POU6F2: variants seen among roughly 807,000 people sequenced by gnomAD.
POU6F2 encodes the protein POU class 6 homeobox 2.
A neutral mutation model predicts 71.3 loss-of-function variants in POU6F2; 31 were observed. The observed-to-expected ratio is 0.43, with a 90% CI of 0.33 to 0.59. The LOEUF is 0.59. Ranked by LOEUF, POU6F2 falls within the 20% of genes least tolerant of loss-of-function variation. The probability of loss-of-function intolerance (pLI) is 0.04; values close to 1 mark genes in which losing one functional copy is unlikely to be tolerated. For missense variants in POU6F2, 783 were observed against 856.8 expected, an observed-to-expected ratio of 0.91 and a Z score of 1.07; for synonymous variants, 347 against 355.7, an observed-to-expected ratio of 0.98 and a Z score of 0.27.
chr7:39,320,840 A>G (rs1785374249), intron 4 of POU6F2, among the ~76,000 whole-genome samples: 1 of 152,192 alleles, frequency 6.6e-6, no homozygotes, highest in South Asian at 2.1e-4. Flanking sequence ...AGATTGCTTG[A>G]GGCCAGGAGT....
Position 39,460,570 on chromosome 7 carries a change from GTGGATGGGGTTAATC to G in POU6F2, c.1518_1532del (p.Asp506_Leu510del). On this transcript the variant is annotated inframe_deletion, in exon 9 of 10. Transcript: ENST00000518318. This position sits in a 1 kb window ranked among gnomAD's most constrained non-coding sequence, Gnocchi z 4.4. ...AGATCCTCAAACGGCAGCGGGTGAGGTGGATGGGGTTAATCTGGAGGAGATCCGAGAATTTGCCAA... is the reference window on the plus strand; with the variant it reads ...AGATCCTCAAACGGCAGCGGGTGAGGTGGAGGAGATCCGAGAATTTGCCAA... 2 of 1,613,708 alleles carry G rather than the reference GTGGATGGGGTTAATC, an allele frequency of 1.2e-6. No homozygotes were observed. The highest frequency in any genetic ancestry group is 1.7e-6 in the Non-Finnish European group (2 of 1,179,810).
At chr7:39,231,255 T>C (rs2128750025) in intron 4 of POU6F2, among the ~76,000 whole-genome samples, 1 of 152,278 alleles carries the variant, frequency 6.6e-6, no homozygotes, top group South Asian at 2.1e-4. Context: ...AGCATCTTAA[T>C]ATTGTTAGCA....
At chr7:39,000,605 A>G (rs971060631) in intron 1 of POU6F2, among the ~76,000 whole-genome samples, 2 of 152,036 alleles carry the variant, frequency 1.3e-5, no homozygotes, top group Non-Finnish European at 2.9e-5. Flanking sequence ...TCTCATATGC[A>G]TTCATAGCCC....
chr7:39,419,092 T>C (rs1399226725), intron 6 of POU6F2, among the ~76,000 whole-genome samples: 3 of 74,532 alleles, frequency 4.0e-5, no homozygotes, highest in African/African-American at 1.6e-4. Flanking sequence ...TACGTATATG[T>C]GTATATATAC....
intron 2 of POU6F2, among the ~76,000 whole-genome samples, chr7:39,146,664 G>T (rs1320601507): frequency 6.6e-6 from 1 of 152,202 alleles, no homozygotes; most frequent in African/African-American, 2.4e-5. Context: ...CAAGGCCCCA[G>T]GGAGGGCTGG....
chr7:39,072,489 C>T (rs977888485), intron 1 of POU6F2, among the ~76,000 whole-genome samples: 1 of 152,186 alleles, frequency 6.6e-6, no homozygotes, highest in African/African-American at 2.4e-5. Context: ...ATGAAGACTT[C>T]GGCTCACCTG....
chr7:39,188,954 G>A (rs1017225239), intron 2 of POU6F2, among the ~76,000 whole-genome samples: 30 of 152,280 alleles, frequency 2.0e-4, no homozygotes, highest in African/African-American at 6.5e-4. Flanking sequence ...ATTACCAAAT[G>A]TATCTCCCTG....
chr7:39,431,667 A>T (rs1227019369), intron 6 of POU6F2, among the ~76,000 whole-genome samples: 2 of 152,152 alleles, frequency 1.3e-5, no homozygotes, highest in Non-Finnish European at 2.9e-5. Flanking sequence ...CCAGACCTGG[A>T]CTGTAGCCCC....
intron 1 of POU6F2, among the ~76,000 whole-genome samples, chr7:39,068,508 A>AG (rs1790808878): frequency 7.6e-6 from 1 of 130,918 alleles, no homozygotes; most frequent in Non-Finnish European, 1.6e-5. Flanking sequence ...TATATATATA[A>AG]TTTTCATAAA....
chr7:39,262,710 G>A (rs1784160000), intron 4 of POU6F2, among the ~76,000 whole-genome samples: 1 of 151,148 alleles, frequency 6.6e-6, no homozygotes, highest in South Asian at 2.1e-4. Context: ...CTTGTGGTAT[G>A]CATTTTATTT....
intron 7 of POU6F2, among the ~76,000 whole-genome samples, chr7:39,447,889 T>C (rs1033133304): frequency 6.6e-6 from 1 of 152,238 alleles, no homozygotes; most frequent in Non-Finnish European, 1.5e-5. Flanking sequence ...GTTAAGTCAG[T>C]GTCCAAAACA....
chr7:39,063,358 C>G (rs909332665), intron 1 of POU6F2, among the ~76,000 whole-genome samples: 1 of 152,100 alleles, frequency 6.6e-6, no homozygotes, highest in African/African-American at 2.4e-5. Flanking sequence ...AGAGGAAAGA[C>G]AGCAGAGTGA....
At chr7:39,320,845 A>C (rs1785374320) in intron 4 of POU6F2, among the ~76,000 whole-genome samples, 3 of 152,194 alleles carry the variant, frequency 2.0e-5, no homozygotes, top group Admixed American at 2.0e-4. Context: ...GCTTGAGGCC[A>C]GGAGTTGGAG....
chr7:39,384,350 A>G (rs1786891620), intron 5 of POU6F2, among the ~76,000 whole-genome samples: 1 of 152,166 alleles, frequency 6.6e-6, no homozygotes, highest in Admixed American at 6.5e-5. Context: ...AAAACTATAT[A>G]AAGTTTTTAA....
intron 8 of POU6F2, among the ~76,000 whole-genome samples, chr7:39,457,725 T>A (rs1229080943): frequency 6.6e-6 from 1 of 152,142 alleles, no homozygotes; most frequent in African/African-American, 2.4e-5. Context: ...CAGTGACTCT[T>A]ATACCTGCCA....
At chr7:39,434,579 A>G (rs542624027) in intron 7 of POU6F2, among the ~76,000 whole-genome samples, 26 of 151,938 alleles carry the variant, frequency 1.7e-4, no homozygotes, top group Admixed American at 4.6e-4. Context: ...GATGATGGTG[A>G]TGATTTAATC....
intron 4 of POU6F2, among the ~76,000 whole-genome samples, chr7:39,252,507 T>C (rs1398500564): frequency 6.6e-6 from 1 of 151,866 alleles, no homozygotes; most frequent in Non-Finnish European, 1.5e-5. Context: ...AATAGAGACA[T>C]CTTTGCCACT....
At chr7:39,411,728 A>G (rs559103452) in intron 6 of POU6F2, among the ~76,000 whole-genome samples, 1 of 152,246 alleles carries the variant, frequency 6.6e-6, no homozygotes, top group African/African-American at 2.4e-5. Context: ...CAAGGCCGTG[A>G]TGAAAGAAAA....
chr7:39,014,505 C>G (rs181488387), intron 1 of POU6F2, among the ~76,000 whole-genome samples: 145 of 152,256 alleles, frequency 9.5e-4, no homozygotes, highest in Non-Finnish European at 1.8e-3. Flanking sequence ...TTGGGTAATA[C>G]AAAGACAACA....
Sources: allele counts gnomAD v4.1 joint callset (sites outside exome capture counted in the v4.1 genomes callset), GRCh38; gene constraint gnomAD v4.1.1; non-coding constraint Gnocchi (gnomAD v3.1); transcripts MANE v1.5; gene names NCBI Gene and HGNC (gene_info 2026-07-23, HGNC 2026-07-21).